The following FAM168A variants were observed in gnomAD, a reference collection of about 807,000 sequenced individuals.
FAM168A encodes family with sequence similarity 168 member A, also known as protein FAM168A.
Under a neutral mutation model 28.5 loss-of-function variants are expected in FAM168A, and 3 were observed. The observed-to-expected ratio is 0.11, with a 90% CI of 0.05 to 0.27. The LOEUF (loss-of-function observed/expected upper bound fraction) is 0.27. Ranked by LOEUF, FAM168A falls within the 10% of genes least tolerant of loss-of-function variation. The pLI, the probability that FAM168A is intolerant of heterozygous loss-of-function variation, is 1.00. For missense variants in FAM168A, 222 were observed against 311.5 expected, an observed-to-expected ratio of 0.71 and a Z score of 2.16; for synonymous variants, 122 against 124.2, an observed-to-expected ratio of 0.98 and a Z score of 0.12.
chr11:73,430,327 T>G (rs958183442), intron 3 of FAM168A: 1 of 291,768 alleles, frequency 3.4e-6, no homozygotes, highest in African/African-American at 2.3e-5. Context: ...TGGGTGTGTG[T>G]GTGTCCCAAG....
At chr11:73,561,311 G>A (rs1179604256) in intron 1 of FAM168A, among the ~76,000 whole-genome samples, 2 of 152,022 alleles carry the variant, frequency 1.3e-5, no homozygotes, top group East Asian at 3.9e-4. Context: ...GGAGGTGGAG[G>A]TTGCAGTGAG....
At chr11:73,564,638 G>A (rs1259946062) in intron 1 of FAM168A, among the ~76,000 whole-genome samples, 3 of 151,272 alleles carry the variant, frequency 2.0e-5, no homozygotes, top group Non-Finnish European at 2.9e-5. Context: ...AGCTACTCAG[G>A]AGGCTGAGGC....
At chr11:73,435,373 C>A (rs1867069185) in intron 2 of FAM168A, among the ~76,000 whole-genome samples, 1 of 152,220 alleles carries the variant, frequency 6.6e-6, no homozygotes. Context: ...GGTAATCACA[C>A]TCCTGTTTTG....
chr11:73,542,067 C>A (rs1943664082), intron 1 of FAM168A, among the ~76,000 whole-genome samples: 1 of 152,178 alleles, frequency 6.6e-6, no homozygotes, highest in African/African-American at 2.4e-5. Flanking sequence ...TTGATCTTTT[C>A]AACTTCTCTA....
intron 2 of FAM168A, among the ~76,000 whole-genome samples, chr11:73,466,110 G>A (rs1202909252): frequency 1.3e-5 from 2 of 152,246 alleles, no homozygotes; most frequent in Non-Finnish European, 2.9e-5. Flanking sequence ...CAACTCCTCT[G>A]TTCCCTGCAG....
chr11:73,501,752 C>A (rs1040306768), intron 1 of FAM168A, among the ~76,000 whole-genome samples: 1 of 152,034 alleles, frequency 6.6e-6, no homozygotes, highest in Non-Finnish European at 1.5e-5. Context: ...GATCTCAAAT[C>A]GACACCCTAA....
chr11:73,524,620 T>C (rs1273480434), intron 1 of FAM168A, among the ~76,000 whole-genome samples: 3 of 151,976 alleles, frequency 2.0e-5, no homozygotes, highest in African/African-American at 7.2e-5. Context: ...ATATATGAAA[T>C]AGAGTCTTGC....
intron 1 of FAM168A, among the ~76,000 whole-genome samples, chr11:73,533,953 A>G (rs898659223): frequency 6.6e-6 from 1 of 152,194 alleles, no homozygotes; most frequent in Non-Finnish European, 1.5e-5. Context: ...TAAGTGCCCT[A>G]AGGTCACACA....
intron 1 of FAM168A, among the ~76,000 whole-genome samples, chr11:73,548,981 G>A (rs1171978181): frequency 2.0e-5 from 3 of 151,468 alleles, no homozygotes; most frequent in East Asian, 1.9e-4. Flanking sequence ...TTGCTCTGTC[G>A]CCCAGGCTGG....
chr11:73,469,476 G>A (rs1454453462), intron 1 of FAM168A, among the ~76,000 whole-genome samples: 1 of 152,218 alleles, frequency 6.6e-6, no homozygotes, highest in Non-Finnish European at 1.5e-5. Flanking sequence ...AAGGCAGGCA[G>A]TGAACAGCTG....
At chr11:73,465,396 T>C (rs1867719057) in intron 2 of FAM168A, among the ~76,000 whole-genome samples, 1 of 152,040 alleles carries the variant, frequency 6.6e-6, no homozygotes, top group African/African-American at 2.4e-5. Flanking sequence ...AATGCCCTGG[T>C]CTATAAACAG....
At chr11:73,517,756 C>A (rs79347796) in intron 1 of FAM168A, among the ~76,000 whole-genome samples, 12,581 of 152,210 alleles carry the variant, frequency 0.083, 1,583 homozygotes, top group African/African-American at 0.27. Context: ...CCCAATATGA[C>A]CTTCAGTGTT....
intron 1 of FAM168A, among the ~76,000 whole-genome samples, chr11:73,585,270 A>G (rs1202641517): frequency 6.6e-6 from 1 of 152,224 alleles, no homozygotes; most frequent in Non-Finnish European, 1.5e-5. Context: ...TTGTTAAGTA[A>G]TTAATATTTG....
At chr11:73,431,361 G>T (rs976262588) in intron 2 of FAM168A, among the ~76,000 whole-genome samples, 1 of 48,698 alleles carries the variant, frequency 2.1e-5, no homozygotes. Flanking sequence ...ACACCCCCCC[G>T]CCAAAAAAAA....
At chr11:73,589,100 C>T (rs1944350467) in intron 1 of FAM168A, among the ~76,000 whole-genome samples, 1 of 152,146 alleles carries the variant, frequency 6.6e-6, no homozygotes, top group South Asian at 2.1e-4. Flanking sequence ...GTTTAAACCA[C>T]CCAGTCTATG....
intron 3 of FAM168A, 41 bp downstream of exon 3, chr11:73,430,649 T>C: frequency 1.3e-6 from 2 of 1,569,362 alleles, no homozygotes; most frequent in Non-Finnish European, 1.8e-6. Context: ...AGAGTCCCCC[T>C]TCCCACTCCA....
intron 2 of FAM168A, among the ~76,000 whole-genome samples, chr11:73,442,858 A>C (rs866608981): frequency 2.9e-5 from 4 of 140,172 alleles, no homozygotes; most frequent in Admixed American, 2.2e-4. Context: ...TTTTTGAGAC[A>C]GAGTGAGTAA....
chr11:73,447,577 A>T (rs1867342502), intron 2 of FAM168A, among the ~76,000 whole-genome samples: 1 of 149,830 alleles, frequency 6.7e-6, no homozygotes, highest in African/African-American at 2.5e-5. Flanking sequence ...AAAAAAAAAA[A>T]ATTCACCCCC....
intron 1 of FAM168A, among the ~76,000 whole-genome samples, chr11:73,526,383 G>A (rs1943447531): frequency 6.6e-6 from 1 of 152,166 alleles, no homozygotes; most frequent in Non-Finnish European, 1.5e-5. Flanking sequence ...TGTTCCTAGT[G>A]AAAATCAGAA....
Sources: allele counts gnomAD v4.1 joint callset (sites outside exome capture counted in the v4.1 genomes callset), GRCh38; gene constraint gnomAD v4.1.1; transcripts MANE v1.5; gene names NCBI Gene and HGNC (gene_info 2026-07-23, HGNC 2026-07-21).